TMEM178B: variants seen among roughly 807,000 people sequenced by gnomAD.
TMEM178B encodes the protein transmembrane protein 178B.
In TMEM178B, 5 loss-of-function variants were observed where a neutral mutation model predicts 31.0. That is an observed-to-expected ratio of 0.16 (90% confidence interval 0.08 to 0.34). TMEM178B has a LOEUF of 0.34. Ranked by LOEUF, TMEM178B falls within the 10% of genes least tolerant of loss-of-function variation. The pLI is 1.00. For missense variants in TMEM178B, 275 were observed against 400.3 expected (o/e 0.69, Z 2.67); for synonymous variants, 164 against 164.0 (o/e 1.00, Z 0.00).
chr7:141,077,403 TA>T (rs1394384308), intron 1 of TMEM178B, among the ~76,000 whole-genome samples: 1 of 152,242 alleles, frequency 6.6e-6, no homozygotes, highest in Admixed American at 6.5e-5. Flanking sequence ...AGTTATTTGT[TA>T]AATCGATGTT....
intron 2 of TMEM178B, among the ~76,000 whole-genome samples, chr7:141,427,551 A>G (rs1042065400): frequency 2.0e-5 from 3 of 152,246 alleles, no homozygotes; most frequent in African/African-American, 7.2e-5. Flanking sequence ...TTCAAAAATT[A>G]ACTCAAAATG....
At position 141,461,205 on chromosome 7, in the gene TMEM178B, G is replaced by T. The variant is rs547594865; in HGVS notation, c.635-9331G>T. Among the ~76,000 whole-genome samples, 1 of 152,166 alleles carries T rather than the reference G, an allele frequency of 6.6e-6. No homozygotes were observed. Among genetic ancestry groups the T allele is most frequent in the African/African-American group, 2.4e-5 (1 of 41,440 alleles). The stretch of plus-strand genomic sequence containing the variant: ...GAGGGAGGTGTCTCATGGAGGACTT[G>T]GCTGCTTCTTCTCTGACCTCCCTGA... On this transcript the variant is annotated intron_variant, in intron 3 of 3. Coordinates refer to ENST00000565468, the MANE Select transcript of TMEM178B (RefSeq NM_001195278.2). This position sits in a 1 kb window ranked among gnomAD's most constrained non-coding sequence, Gnocchi z 4.0.
At chr7:141,415,870 TG>T (rs1212683246) in intron 2 of TMEM178B, 1 of 152,364 alleles carries the variant, frequency 6.6e-6, no homozygotes, top group Non-Finnish European at 1.5e-5. Flanking sequence ...GGAGAAAGAT[TG>T]GCACCACTGA....
At chr7:141,484,627 T>A (rs1050901622), downstream of TMEM178B, among the ~76,000 whole-genome samples, 1 of 152,200 alleles carries the variant, frequency 6.6e-6, no homozygotes, top group Admixed American at 6.5e-5. The surrounding 1 kb of genome is among the most constrained non-coding windows in gnomAD (Gnocchi z 4.8). Flanking sequence ...TGTGGCTTGA[T>A]CTTGGCTCAC....
At chr7:141,273,524 G>A (rs778683213) in intron 2 of TMEM178B, among the ~76,000 whole-genome samples, 2 of 152,176 alleles carry the variant, frequency 1.3e-5, no homozygotes, top group Non-Finnish European at 2.9e-5. Flanking sequence ...AAACATTAAG[G>A]CACAGATATG....
At chr7:141,089,619 A>G (rs547684570) in intron 1 of TMEM178B, among the ~76,000 whole-genome samples, 45 of 152,378 alleles carry the variant, frequency 3.0e-4, no homozygotes, top group African/African-American at 1.1e-3. Flanking sequence ...CCAAATGTCC[A>G]TCAATGATAG....
In TMEM178B at chr7:141,123,778, A is replaced by G. The variant is rs1476732387; in HGVS notation, c.382+49086A>G. 2.0e-5 allele frequency among the ~76,000 whole-genome samples: 3 copies of G among 151,826 alleles called. No homozygotes were observed. The South Asian group carries it at 6.2e-4, about 32-fold the overall frequency. On this transcript the variant is annotated intron_variant, in intron 1 of 3. Coordinates refer to ENST00000565468, the MANE Select transcript of TMEM178B (RefSeq NM_001195278.2). ...AGGTTAGGTTTTTTTTTTGAGACAG[A>G]GTCTCAATCTGTAACCCAGGCTGGA...
intron 2 of TMEM178B, among the ~76,000 whole-genome samples, chr7:141,389,265 A>T (rs976598550): frequency 6.6e-6 from 1 of 152,228 alleles, no homozygotes; most frequent in Admixed American, 6.5e-5. Flanking sequence ...TCAATTACAT[A>T]TAATGGATAA....
chr7:141,402,460 G>A (rs1218552562), intron 2 of TMEM178B, among the ~76,000 whole-genome samples: 2 of 152,198 alleles, frequency 1.3e-5, no homozygotes, highest in African/African-American at 4.8e-5. Context: ...TGTGGGAGCT[G>A]CATCTTGGTA....
chr7:141,372,718 C>T (rs1458204931), intron 2 of TMEM178B, among the ~76,000 whole-genome samples: 1 of 152,160 alleles, frequency 6.6e-6, no homozygotes, highest in East Asian at 1.9e-4. Flanking sequence ...AGCAAAACCT[C>T]AGAGAACTGC....
the TMEM178B span, among the ~76,000 whole-genome samples, chr7:141,506,495 G>T: frequency 6.6e-6 from 1 of 152,196 alleles, no homozygotes; most frequent in Non-Finnish European, 1.5e-5. Flanking sequence ...AAACCCATCA[G>T]ATCTTGTGAG....
At position 141,194,677 on chromosome 7, in the gene TMEM178B, G is replaced by T. The variant is rs531852543; in HGVS notation, c.383-17914G>T. ...ACTATTCTGGGTTCTGGAGGATGGTGGCCCTCTTCTCACAGCTCCACTAGG... is the reference window on the plus strand; with the variant it reads ...ACTATTCTGGGTTCTGGAGGATGGTTGCCCTCTTCTCACAGCTCCACTAGG... On this transcript the variant is annotated intron_variant, in intron 1 of 3. Coordinates refer to ENST00000565468, the MANE Select transcript of TMEM178B (RefSeq NM_001195278.2). 2.6e-5 allele frequency among the ~76,000 whole-genome samples: 4 copies of T among 152,268 alleles called. No individual in the cohort carries two copies. In the East Asian group the frequency reaches 7.7e-4, roughly 29 times the overall value.
chr7:141,506,796 C>T, the TMEM178B span, among the ~76,000 whole-genome samples: 1 of 152,170 alleles, frequency 6.6e-6, no homozygotes, highest in Non-Finnish European at 1.5e-5. Context: ...CAAGGCAAGT[C>T]CCTTCCGCCT....
intron 2 of TMEM178B, among the ~76,000 whole-genome samples, chr7:141,216,099 G>A (rs1178540322): frequency 6.6e-6 from 1 of 151,812 alleles, no homozygotes; most frequent in Non-Finnish European, 1.5e-5. Context: ...TCAAAGTGCT[G>A]GGATTACAGG....
intron 2 of TMEM178B, among the ~76,000 whole-genome samples, chr7:141,419,189 C>T (rs998273787): frequency 2.0e-5 from 3 of 152,142 alleles, no homozygotes; most frequent in Non-Finnish European, 1.5e-5. Context: ...GGATTATAGT[C>T]GTGAGGCACC....
intron 1 of TMEM178B, among the ~76,000 whole-genome samples, chr7:141,113,387 A>AGACTTGAAAACCATTG (rs1401718588): frequency 6.6e-6 from 1 of 152,288 alleles, no homozygotes; most frequent in East Asian, 1.9e-4. Flanking sequence ...GCACACCATC[A>AGACTTGAAAACCATTG]GACTTGAAAA....
At chr7:141,310,958 C>T (rs1798898289) in intron 2 of TMEM178B, among the ~76,000 whole-genome samples, 1 of 152,202 alleles carries the variant, frequency 6.6e-6, no homozygotes, top group Non-Finnish European at 1.5e-5. Context: ...ACATGGAATA[C>T]TATGCAGCCA....
At chr7:141,350,836 C>T (rs1013499018) in intron 2 of TMEM178B, among the ~76,000 whole-genome samples, 7 of 152,068 alleles carry the variant, frequency 4.6e-5, no homozygotes, top group African/African-American at 1.7e-4. Flanking sequence ...GCTTGATTCC[C>T]GTGATTCAAA....
intron 2 of TMEM178B, among the ~76,000 whole-genome samples, chr7:141,403,150 A>G (rs1316888995): frequency 6.6e-6 from 1 of 152,202 alleles, no homozygotes; most frequent in Non-Finnish European, 1.5e-5. Flanking sequence ...TGACAAAGTT[A>G]TCTCACCCCT....
Sources: allele counts gnomAD v4.1 joint callset (sites outside exome capture counted in the v4.1 genomes callset), GRCh38; gene constraint gnomAD v4.1.1; non-coding constraint Gnocchi (gnomAD v3.1); transcripts MANE v1.5; gene names NCBI Gene and HGNC (gene_info 2026-07-23, HGNC 2026-07-21).